MGAT4C: variants seen among roughly 807,000 people sequenced by gnomAD.
The protein encoded by MGAT4C is alpha-1,3-mannosyl-glycoprotein 4-beta-N-acetylglucosaminyltransferase C.
In MGAT4C, 19 loss-of-function variants were observed where a neutral mutation model predicts 40.1. That is an observed-to-expected ratio of 0.47 (90% CI 0.33 to 0.70). The LOEUF (loss-of-function observed/expected upper bound fraction) is 0.70, where lower values mean the gene tolerates loss of function less well. Ranked by LOEUF, MGAT4C falls within the 30% of genes least tolerant of loss-of-function variation. The pLI is 0.02. For synonymous variants in MGAT4C, 181 were observed against 187.1 expected (o/e 0.97, Z 0.27); for missense variants, 491 against 563.2 (o/e 0.87, Z 1.30).
In MGAT4C at chr12:86,807,784, C is replaced by A. The variant is rs113366356; in HGVS notation, c.-262+30882G>T. Among the ~76,000 whole-genome samples, 603 of 152,192 alleles carry A rather than the reference C, an allele frequency of 4.0e-3. 8 individuals are homozygous for A. The highest frequency in any genetic ancestry group is 0.014 in the African/African-American group (582 of 41,556). The stretch of plus-strand genomic sequence containing the variant: ...TCCTATTTCTCTGCAACCTTCCCAG[C>A]ATCTGTTGTTTCTTGACTTTTTAAT... On this transcript the variant is annotated intron_variant, in intron 1 of 7. Transcript: ENST00000548651.
At chr12:86,763,752 G>T (rs1314805673) in intron 1 of MGAT4C, among the ~76,000 whole-genome samples, 1 of 152,058 alleles carries the variant, frequency 6.6e-6, no homozygotes, top group Non-Finnish European at 1.5e-5. Context: ...TGGTATAACT[G>T]CAGAATTCCT....
chr12:86,241,429 CTCTTT>C (rs1371895925), intron 1 of MGAT4C, among the ~76,000 whole-genome samples: 1 of 152,182 alleles, frequency 6.6e-6, no homozygotes, highest in African/African-American at 2.4e-5. Flanking sequence ...AAAGGATCAT[CTCTTT>C]TCCCCTAATT....
chr12:86,288,645 T>C (rs538055627), intron 4 of MGAT4C, among the ~76,000 whole-genome samples: 1 of 152,304 alleles, frequency 6.6e-6, no homozygotes, highest in South Asian at 2.1e-4. Context: ...TTGTCAAACA[T>C]TTCCATTTCT....
At chr12:86,678,684 GT>G (rs1276009149) in intron 2 of MGAT4C, among the ~76,000 whole-genome samples, 2 of 150,266 alleles carry the variant, frequency 1.3e-5, no homozygotes, top group Non-Finnish European at 3.0e-5. Flanking sequence ...GTGGTGTTTG[GT>G]TTTTTGTTCT....
chr12:86,143,531 A>G (rs1381518711), intron 1 of MGAT4C, among the ~76,000 whole-genome samples: 1 of 152,190 alleles, frequency 6.6e-6, no homozygotes, highest in East Asian at 1.9e-4. Flanking sequence ...ATTGGAAATA[A>G]AGGAAAAATT....
At position 86,395,557 on chromosome 12, in the gene MGAT4C, G is replaced by A. The variant is rs190574124; in HGVS notation, c.-120+39600C>T. ...TTACACATTTCAAAGTTGTATTCAA[G>A]GAAAACTCCTCCAGTAAAAATCTGT... On this transcript the variant is annotated intron_variant, in intron 3 of 7. Transcript: ENST00000548651. Among the ~76,000 whole-genome samples, 52 of 152,280 alleles carry A rather than the reference G, an allele frequency of 3.4e-4. No individual in the cohort carries two copies. The East Asian group carries it at 9.8e-3, about 29-fold the overall frequency.
At chr12:86,055,664 T>C (rs1325559963) in intron 1 of MGAT4C, among the ~76,000 whole-genome samples, 1 of 152,090 alleles carries the variant, frequency 6.6e-6, no homozygotes, top group East Asian at 1.9e-4. Context: ...TGGATACACA[T>C]GTTAATATAA....
intron 4 of MGAT4C, among the ~76,000 whole-genome samples, chr12:86,332,644 G>GTTT (rs10651122): frequency 4.6e-5 from 7 of 150,858 alleles, no homozygotes; most frequent in African/African-American, 1.7e-4. Context: ...CTTTTTAAAG[G>GTTT]TTTTTTTTTG....
At chr12:86,089,042 T>G (rs1872418619) in intron 1 of MGAT4C, among the ~76,000 whole-genome samples, 1 of 151,972 alleles carries the variant, frequency 6.6e-6, no homozygotes, top group African/African-American at 2.4e-5. Context: ...ATGTCAAATA[T>G]TATAGTAAAA....
chr12:86,143,613 T>C (rs894443239), intron 1 of MGAT4C, among the ~76,000 whole-genome samples: 1 of 152,158 alleles, frequency 6.6e-6, no homozygotes, highest in Non-Finnish European at 1.5e-5. Flanking sequence ...TACTTAAGGT[T>C]CTTTGCTGTT....
chr12:86,606,259 A>G lies in MGAT4C; in HGVS notation c.-229+120950T>C, dbSNP rs374989783. On this transcript the variant is annotated intron_variant, in intron 2 of 7. Transcript: ENST00000548651. The stretch of plus-strand genomic sequence containing the variant: ...AGCTTAACCGTATCAGCAACTATAT[A>G]CTAAATGTAGACACTAGTGAAATAT... 9.2e-5 allele frequency among the ~76,000 whole-genome samples: 14 copies of G among 152,212 alleles called. No individual in the cohort carries two copies. In the East Asian group the frequency reaches 1.9e-3, roughly 21 times the overall value.
At chr12:85,992,829 C>T (rs76316781) in intron 2 of MGAT4C, among the ~76,000 whole-genome samples, 42 of 152,316 alleles carry the variant, frequency 2.8e-4, no homozygotes, top group South Asian at 8.3e-4. Context: ...CAGGGCAATT[C>T]GGACCTTTGC....
chr12:86,083,202 A>G (rs917282778), intron 1 of MGAT4C, among the ~76,000 whole-genome samples: 3 of 151,866 alleles, frequency 2.0e-5, no homozygotes, highest in East Asian at 1.9e-4. Flanking sequence ...TAAATATATC[A>G]TCTCCTCTTC....
intron 1 of MGAT4C, among the ~76,000 whole-genome samples, chr12:86,210,094 G>T (rs1950402193): frequency 6.6e-6 from 1 of 151,944 alleles, no homozygotes; most frequent in African/African-American, 2.4e-5. Context: ...TTATCTACCT[G>T]GCCAATTGAT....
chr12:86,440,153 C>T (rs1023322468), intron 2 of MGAT4C, among the ~76,000 whole-genome samples: 16 of 151,968 alleles, frequency 1.1e-4, no homozygotes, highest in African/African-American at 3.9e-4. Context: ...ATAACAAAGA[C>T]AGGGAATAAC....
intron 2 of MGAT4C, among the ~76,000 whole-genome samples, chr12:86,642,756 A>G (rs1963427504): frequency 6.6e-6 from 1 of 151,610 alleles, no homozygotes; most frequent in Non-Finnish European, 1.5e-5. Context: ...TGTTTTGAGA[A>G]TATATATTTT....
At chr12:86,005,092 C>T (rs1887739405) in intron 2 of MGAT4C, among the ~76,000 whole-genome samples, 1 of 152,140 alleles carries the variant, frequency 6.6e-6, no homozygotes, top group South Asian at 2.1e-4. Flanking sequence ...TAAAACCTGC[C>T]CCAGTCACCA....
At chr12:86,283,010 A>C (rs1953258870) in intron 4 of MGAT4C, among the ~76,000 whole-genome samples, 1 of 152,072 alleles carries the variant, frequency 6.6e-6, no homozygotes, top group Non-Finnish European at 1.5e-5. Flanking sequence ...GGGCATGTGC[A>C]ACTCAGTGCC....
intron 2 of MGAT4C, among the ~76,000 whole-genome samples, chr12:86,528,575 T>C (rs1958924066): frequency 6.6e-6 from 1 of 152,106 alleles, no homozygotes; most frequent in Non-Finnish European, 1.5e-5. Flanking sequence ...AAGTGTTGTA[T>C]ATTTTGCTGA....
Sources: gnomAD v4.1 joint callset for allele counts (sites outside exome capture counted in the v4.1 genomes callset) on GRCh38, gnomAD v4.1.1 for gene constraint, MANE v1.5 for transcripts, NCBI Gene and HGNC (gene_info 2026-07-23, HGNC 2026-07-21) for gene names.